Variants in PTPRE observed in about 807,000 individuals in gnomAD.
The protein encoded by PTPRE is receptor-type tyrosine-protein phosphatase epsilon.
In PTPRE, 51 loss-of-function variants were observed where a neutral mutation model predicts 102.0. That is an observed-to-expected ratio of 0.50 (90% CI 0.40 to 0.63). PTPRE has a LOEUF of 0.63. Among genes scored for constraint, PTPRE ranks in the 30% least tolerant of loss-of-function variants. The pLI is 0.00. For synonymous variants in PTPRE, 345 were observed against 348.2 expected, an observed-to-expected ratio of 0.99 and a Z score of 0.10; for missense variants, 752 against 915.1, an observed-to-expected ratio of 0.82 and a Z score of 2.30.
At chr10:127,931,858 T>C (rs1026796573) in intron 1 of PTPRE, among the ~76,000 whole-genome samples, 1 of 152,230 alleles carries the variant, frequency 6.6e-6, no homozygotes, top group Admixed American at 6.5e-5. Context: ...TGCCTTAATC[T>C]CCATTTTTTT....
At chr10:127,977,582 G>A (rs1440819100) in intron 1 of PTPRE, among the ~76,000 whole-genome samples, 1 of 152,240 alleles carries the variant, frequency 6.6e-6, no homozygotes, top group Non-Finnish European at 1.5e-5. Flanking sequence ...AGATTGGCCA[G>A]TTCTGTTCAT....
At chr10:128,074,220 G>A (rs1339435090) in intron 17 of PTPRE, among the ~76,000 whole-genome samples, 1 of 152,178 alleles carries the variant, frequency 6.6e-6, no homozygotes, top group Non-Finnish European at 1.5e-5. Flanking sequence ...TTAGCATCAT[G>A]CTTTCAAGGT....
chr10:128,083,061 C>T lies in PTPRE; in HGVS notation c.*155C>T. 1.7e-6 allele frequency: 1 copy of T among 576,744 alleles called. No individual in the cohort carries two copies. The highest frequency in any genetic ancestry group is 2.6e-6 in the Non-Finnish European group (1 of 380,370). 35.7% of individuals were successfully genotyped at this position (576,744 alleles called of 1,614,324 possible). ...GCCACCTGCTATACAGTTGTTAAAT[C>T]TTAAATATGCTTTTTAAAAATTGGA... On this transcript the variant is annotated 3_prime_UTR_variant, in exon 21 of 21. Coordinates refer to ENST00000254667, the MANE Select transcript of PTPRE (RefSeq NM_006504.6).
chr10:128,017,765 C>T (rs1247505524), intron 2 of PTPRE, among the ~76,000 whole-genome samples: 1 of 152,132 alleles, frequency 6.6e-6, no homozygotes, highest in African/African-American at 2.4e-5. Context: ...CTTTTGGAGG[C>T]GCAGAGGCTT....
In PTPRE at chr10:128,066,137, C is replaced by T. The variant is rs1292315872; in HGVS notation, c.786C>T (p.Cys262=). 10 of 1,614,068 alleles carry T rather than the reference C, an allele frequency of 6.2e-6. No individual in the cohort carries two copies. The highest frequency in any genetic ancestry group is 4.5e-5 in the East Asian group (2 of 44,894). Residue 262 remains cysteine (C), a synonymous_variant, in exon 11 of 21, where the codon TGC becomes TGT. Transcript: ENST00000254667. The stretch of plus-strand genomic sequence containing the variant: ...GGACCTATGGAAACATCCGGGTGTG[C>T]GTGGAGGACTGCGTGGTTTTGGTCG... ...GCWTYGNIRV[C]VEDCVVLVDY...
chr10:128,033,896 C>T (rs7081323), intron 2 of PTPRE, among the ~76,000 whole-genome samples: 86,655 of 152,058 alleles, frequency 0.57, 24,814 homozygotes, highest in East Asian at 0.62. Context: ...CTGCCTGCCT[C>T]GGCCTCCCAA....
chr10:127,918,793 A>G (rs1288569111), intron 1 of PTPRE, among the ~76,000 whole-genome samples: 2 of 152,194 alleles, frequency 1.3e-5, no homozygotes, highest in Non-Finnish European at 2.9e-5. Context: ...CCCGCGAGGA[A>G]GAGCCACGGC....
At position 127,907,725 on chromosome 10, in the gene PTPRE, G is replaced by A. The variant is rs977232541; in HGVS notation, c.-31+416G>A. Among the ~76,000 whole-genome samples, 7 of 152,254 alleles carry A rather than the reference G, an allele frequency of 4.6e-5. No homozygotes were observed. Among genetic ancestry groups the A allele is most frequent in the Non-Finnish European group, 7.4e-5 (5 of 68,008 alleles). ...GGGGGGCTGCGCCCACTCGAGGCTG[G>A]AGGCTGGAGCCTTTGAAGAAAGTGG... On this transcript the variant is annotated intron_variant, in intron 1 of 20. Transcript: ENST00000254667. The surrounding 1 kb of genome is among the most constrained non-coding windows in gnomAD (Gnocchi z 4.8).
At chr10:128,079,451 TCAGC>T in intron 19 of PTPRE, 105 bp from the exon 20 acceptor site, 1 of 1,383,788 alleles carries the variant, frequency 7.2e-7, no homozygotes. Context: ...CAGATCATTT[TCAGC>T]GATTGTTGCT....
intron 1 of PTPRE, among the ~76,000 whole-genome samples, chr10:127,970,069 A>G (rs1158126445): frequency 2.6e-5 from 4 of 152,062 alleles, no homozygotes; most frequent in Non-Finnish European, 5.9e-5. Context: ...TTTGTTTTTC[A>G]TATAAGTACT....
chr10:128,073,700 C>T (rs1182580646), intron 17 of PTPRE, among the ~76,000 whole-genome samples: 4 of 152,212 alleles, frequency 2.6e-5, no homozygotes, highest in Admixed American at 6.5e-5. Flanking sequence ...TATCCTTAGC[C>T]TACATGTTAT....
chr10:128,068,321 G>A (rs1483158636), intron 12 of PTPRE, 35 bp downstream of exon 12: 3 of 1,587,332 alleles, frequency 1.9e-6, no homozygotes, highest in Non-Finnish European at 2.6e-6. Context: ...GGACCCTCAA[G>A]GGCAGGCCAC....
At chr10:127,976,518 C>T (rs1470834984) in intron 1 of PTPRE, among the ~76,000 whole-genome samples, 1 of 152,056 alleles carries the variant, frequency 6.6e-6, no homozygotes, top group East Asian at 1.9e-4. Context: ...GAGCAGCTGC[C>T]CATGAATAAT....
intron 20 of PTPRE, among the ~76,000 whole-genome samples, chr10:128,082,187 T>TTCTTTC: frequency 1.2e-5 from 1 of 85,110 alleles, no homozygotes; most frequent in African/African-American, 6.0e-5. Context: ...TCTGATTTTT[T>TTCTTTC]TCTCTTTCTT....
chr10:128,047,330 G>A (rs747759165), intron 3 of PTPRE, 60 bp from the exon 4 acceptor site: 5 of 1,574,908 alleles, frequency 3.2e-6, no homozygotes, highest in Non-Finnish European at 4.3e-6. Context: ...TATGGAGGGA[G>A]ACTCTTTTGC....
intron 1 of PTPRE, among the ~76,000 whole-genome samples, chr10:127,932,132 A>G (rs899486522): frequency 6.6e-6 from 1 of 152,210 alleles, no homozygotes; most frequent in African/African-American, 2.4e-5. Context: ...GGGCACAGAA[A>G]GTGGTTCTGT....
chr10:128,013,747 G>C lies in PTPRE; in HGVS notation c.-7-27128G>C, dbSNP rs556897103. 2.6e-3 allele frequency among the ~76,000 whole-genome samples: 399 copies of C among 152,280 alleles called. 1 individual carries two copies. The highest frequency in any genetic ancestry group is 9.4e-3 in the African/African-American group (389 of 41,564). ...TTGAACAGGCAGAGGGCCCTCCCCA[G>C]ACACCACATCCGCTGGCACCTTCAT... On this transcript the variant is annotated intron_variant, in intron 2 of 20. Transcript: ENST00000254667.
intron 1 of PTPRE, among the ~76,000 whole-genome samples, chr10:127,954,318 A>G (rs1028591543): frequency 6.6e-6 from 1 of 152,140 alleles, no homozygotes; most frequent in African/African-American, 2.4e-5. Flanking sequence ...GTATGGCACC[A>G]TTCTTTGGGG....
chr10:127,922,053 G>T (rs1334854556), intron 1 of PTPRE, among the ~76,000 whole-genome samples: 1 of 152,224 alleles, frequency 6.6e-6, no homozygotes, highest in African/African-American at 2.4e-5. Flanking sequence ...GTGAATTCAT[G>T]AAGTCCAATT....
Sources: allele counts gnomAD v4.1 joint callset (sites outside exome capture counted in the v4.1 genomes callset), GRCh38; gene constraint gnomAD v4.1.1; non-coding constraint Gnocchi (gnomAD v3.1); transcripts MANE v1.5; gene names NCBI Gene and HGNC (gene_info 2026-07-23, HGNC 2026-07-21).